Variants in FBXO25 observed in about 807,000 individuals in gnomAD.
FBXO25 encodes F-box protein 25.
In FBXO25, 45 loss-of-function variants were observed where a neutral mutation model predicts 51.9. The ratio of observed to expected loss-of-function variants is 0.87; its 90% CI spans 0.68 to 1.11. The LOEUF (loss-of-function observed/expected upper bound fraction) is 1.11, where lower values mean the gene tolerates loss of function less well. Among genes scored for constraint, FBXO25 ranks in the 50% most tolerant of loss-of-function variants. The pLI is 0.00. For missense variants in FBXO25, 507 were observed against 428.5 expected, an observed-to-expected ratio of 1.18 and a Z score of -1.62; for synonymous variants, 199 against 151.0, an observed-to-expected ratio of 1.32 and a Z score of -2.33.
chr8:409,955 C>G (rs1195660311), intron 1 of FBXO25, among the ~76,000 whole-genome samples: 1 of 152,144 alleles, frequency 6.6e-6, no homozygotes, highest in Non-Finnish European at 1.5e-5. Context: ...TTTATCCCAT[C>G]TTTTCTGCTT....
chr8:449,732 C>T (rs1798961217), intron 5 of FBXO25, among the ~76,000 whole-genome samples: 1 of 152,186 alleles, frequency 6.6e-6, no homozygotes, highest in Non-Finnish European at 1.5e-5. Flanking sequence ...AGGAGATATG[C>T]TTCCACTAAC....
chr8:413,616 C>T (rs1796618812), intron 2 of FBXO25, among the ~76,000 whole-genome samples: 2 of 152,200 alleles, frequency 1.3e-5, no homozygotes, highest in South Asian at 4.1e-4. Context: ...TTGCTCGTAA[C>T]ATTGTCAAGG....
rs1370799202 is a variant in FBXO25, at chr8:472,797, A to C, written c.*3993A>C. On this transcript the variant is annotated 3_prime_UTR_variant, in exon 10 of 10. Transcript: ENST00000350302. ...AGTAGATAAGTGGACTGTGAAACCTAGTCTGTTCTGCTTATCTTCAGAATT... is the reference window on the plus strand; with the variant it reads ...AGTAGATAAGTGGACTGTGAAACCTCGTCTGTTCTGCTTATCTTCAGAATT... The C allele has an allele frequency of 6.6e-6, 1 of 152,210 alleles. No homozygotes were observed. Among genetic ancestry groups the C allele is most frequent in the Non-Finnish European group, 1.5e-5 (1 of 68,028 alleles). 9.4% of individuals were successfully genotyped at this position (152,210 alleles called of 1,614,324 possible).
intron 5 of FBXO25, among the ~76,000 whole-genome samples, chr8:445,391 C>A (rs1181743650): frequency 6.6e-6 from 1 of 152,194 alleles, no homozygotes; most frequent in Admixed American, 6.5e-5. Context: ...GGTATTTCTT[C>A]CCCTAGTGGA....
chr8:453,203 A>C (rs1459103521), intron 7 of FBXO25, among the ~76,000 whole-genome samples: 1 of 152,220 alleles, frequency 6.6e-6, no homozygotes, highest in Non-Finnish European at 1.5e-5. Context: ...GGGAATAAGA[A>C]AGCGCTGATG....
In FBXO25 at chr8:477,260, G is replaced by C. The variant is rs1357808858; in HGVS notation, c.*8456G>C. On this transcript the variant is annotated 3_prime_UTR_variant, in exon 10 of 10. Coordinates refer to ENST00000350302, the MANE Select transcript of FBXO25 (RefSeq NM_183420.2). The stretch of plus-strand genomic sequence containing the variant: ...TGAGAAAAACGTGTGTACTGCTGTT[G>C]TGTCTGTTAGGTCCAGCTGGTATGA... The C allele has an allele frequency of 6.6e-6, 1 of 152,212 alleles. No homozygotes were observed. Among genetic ancestry groups the C allele is most frequent in the Non-Finnish European group, 1.5e-5 (1 of 68,054 alleles). 9.4% of individuals were successfully genotyped at this position (152,212 alleles called of 1,614,324 possible). A position where few individuals can be genotyped will look rare whatever the true frequency, so the allele number is the denominator to read the frequency against.
intron 7 of FBXO25, among the ~76,000 whole-genome samples, chr8:453,848 C>G (rs1295316852): frequency 6.6e-6 from 1 of 152,124 alleles, no homozygotes; most frequent in Non-Finnish European, 1.5e-5. Flanking sequence ...CCTGGCCGGG[C>G]GCGGTGGCCC....
intron 2 of FBXO25, among the ~76,000 whole-genome samples, chr8:415,678 G>A (rs1378255198): frequency 1.3e-5 from 2 of 152,146 alleles, no homozygotes; most frequent in African/African-American, 4.8e-5. Flanking sequence ...CCAAAAGGGT[G>A]GCCCTGAGAA....
At chr8:446,399 T>C (rs995434759) in intron 5 of FBXO25, among the ~76,000 whole-genome samples, 1 of 152,228 alleles carries the variant, frequency 6.6e-6, no homozygotes. Context: ...GCAAGAAGCC[T>C]ATCTGGGGAG....
intron 7 of FBXO25, among the ~76,000 whole-genome samples, chr8:458,014 A>C (rs1218621934): frequency 6.6e-6 from 1 of 152,326 alleles, no homozygotes; most frequent in African/African-American, 2.4e-5. Flanking sequence ...GGATTCATCT[A>C]GGCAGCAGCG....
intron 5 of FBXO25, among the ~76,000 whole-genome samples, chr8:437,561 A>G (rs1438058412): frequency 1.3e-5 from 2 of 152,124 alleles, no homozygotes; most frequent in Non-Finnish European, 2.9e-5. Context: ...CTAAAAAGTG[A>G]TTTGCTCATG....
intron 3 of FBXO25, among the ~76,000 whole-genome samples, chr8:432,533 T>C (rs1441158915): frequency 1.3e-5 from 2 of 152,258 alleles, no homozygotes; most frequent in African/African-American, 4.8e-5. Flanking sequence ...TTTGTTTCTA[T>C]GGAGTACCAT....
chr8:468,510 G>T (rs571489223), intron 9 of FBXO25, among the ~76,000 whole-genome samples: 1 of 152,206 alleles, frequency 6.6e-6, no homozygotes, highest in African/African-American at 2.4e-5. Context: ...TGCCCTACCT[G>T]AGCAGGAGTT....
Position 468,946 on chromosome 8 carries a change from G to T in FBXO25, c.*142G>T. The T allele has an allele frequency of 1.5e-6, 1 of 681,074 alleles. No homozygotes were observed. The highest frequency in any genetic ancestry group is 2.4e-6 in the Non-Finnish European group (1 of 415,724). 42.2% of individuals were successfully genotyped at this position (681,074 alleles called of 1,614,324 possible). ...CTGGGAAGAACTGCCCTTCTGCAAA[G>T]GGGGGACTGCATGGTTGCATTTTCA... On this transcript the variant is annotated 3_prime_UTR_variant, in exon 10 of 10. Transcript: ENST00000350302.
Position 472,548 on chromosome 8 carries a change from G to A in FBXO25, c.*3744G>A, listed in dbSNP as rs1240586652. ...CCACCCACCACCTTGTGATCTCTTGGGTTTTGGTGTCCATCTCATAGGATA... is the reference window on the plus strand; with the variant it reads ...CCACCCACCACCTTGTGATCTCTTGAGTTTTGGTGTCCATCTCATAGGATA... On this transcript the variant is annotated 3_prime_UTR_variant, in exon 10 of 10. Transcript: ENST00000350302. 6.7e-6 allele frequency: 1 copy of A among 150,282 alleles called. No homozygotes were observed. The highest frequency in any genetic ancestry group is 2.0e-4 in the East Asian group (1 of 5,070). 9.3% of individuals were successfully genotyped at this position (150,282 alleles called of 1,614,324 possible). A position where few individuals can be genotyped will look rare whatever the true frequency, so the allele number is the denominator to read the frequency against.
chr8:436,743 T>C lies in FBXO25; in HGVS notation c.381+1036T>C, dbSNP rs532380884. Among the ~76,000 whole-genome samples the C allele has an allele frequency of 2.0e-5, 3 of 152,316 alleles. No individual in the cohort carries two copies. In the South Asian group the frequency reaches 6.2e-4, roughly 32 times the overall value. On this transcript the variant is annotated intron_variant, in intron 5 of 9. Coordinates refer to ENST00000350302, the MANE Select transcript of FBXO25 (RefSeq NM_183420.2). Reference sequence around the variant, plus strand: ...AGTACTTAAGTAGCCGGGAAAAACATCAGCAGAGAGGTCTGTTTAGCAGTA... The same window carrying C: ...AGTACTTAAGTAGCCGGGAAAAACACCAGCAGAGAGGTCTGTTTAGCAGTA...
At chr8:435,732 C>T (rs547775550) in intron 5 of FBXO25, 25 bp downstream of exon 5, 51 of 1,558,918 alleles carry the variant, frequency 3.3e-5, no homozygotes, top group South Asian at 2.7e-4. Flanking sequence ...TCAAAAACTA[C>T]TTTGATGACT....
chr8:411,002 C>G (rs1796455409), intron 1 of FBXO25, among the ~76,000 whole-genome samples: 1 of 151,876 alleles, frequency 6.6e-6, no homozygotes, highest in Non-Finnish European at 1.5e-5. Flanking sequence ...TGTATAAGTG[C>G]CCATTTAATA....
At position 475,698 on chromosome 8, in the gene FBXO25, T is replaced by C. The variant is rs1392353545; in HGVS notation, c.*6894T>C. The C allele has an allele frequency of 6.6e-6, 1 of 152,234 alleles. No homozygotes were observed. The highest frequency in any genetic ancestry group is 1.5e-5 in the Non-Finnish European group (1 of 68,030). The allele number at this position is 152,234 out of a possible 1,614,324, so 9.4% of individuals were successfully genotyped here. The stretch of plus-strand genomic sequence containing the variant: ...TATTATAATGGAATTTTCTTAAATT[T>C]CCTTTTGAGATTGCTTGTTATTGTA... On this transcript the variant is annotated 3_prime_UTR_variant, in exon 10 of 10. Transcript: ENST00000350302.
Sources: allele counts gnomAD v4.1 joint callset (sites outside exome capture counted in the v4.1 genomes callset), GRCh38; gene constraint gnomAD v4.1.1; transcripts MANE v1.5; gene names NCBI Gene and HGNC (gene_info 2026-07-23, HGNC 2026-07-21).